DNAH1: variants seen among roughly 807,000 people sequenced by gnomAD.
The protein encoded by DNAH1 is dynein axonemal heavy chain 1.
DNAH1 carries 327 observed loss-of-function variants against 484.3 expected under a neutral mutation model. That is an observed-to-expected ratio of 0.68 (90% CI 0.62 to 0.74). The LOEUF (loss-of-function observed/expected upper bound fraction) is 0.74. Among genes scored for constraint, DNAH1 ranks in the 30% least tolerant of loss-of-function variants. DNAH1 has a pLI of 0.00. For synonymous variants in DNAH1, 2,192 were observed against 2,191.9 expected (o/e 1.00, Z 0.00); for missense variants, 5,052 against 5,546.8 (o/e 0.91, Z 2.83).
intron 22 of DNAH1, 116 bp from the exon 23 acceptor site, chr3:52,357,498 T>A: frequency 5.1e-6 from 7 of 1,370,122 alleles, no homozygotes; most frequent in Non-Finnish European, 5.9e-6. Flanking sequence ...TTTCTGCATC[T>A]TCTTTCCCAG....
Position 52,383,426 on chromosome 3 carries a change from T to G in DNAH1, c.7982T>G (p.Leu2661Arg), listed in dbSNP as rs774338594. ...TTCCTGGAAGATATCAACAACGTCC[T>G]AAACTCTGGTGACATTCCCAATCTG... is the stretch of plus-strand genomic sequence containing the variant. ...ESFLEDINNV[L>R]NSGDIPNLYT... The change falls in exon 51 of 78, where the codon CTA becomes CGA. Residue 2661 changes from leucine to arginine, a missense_variant. Leu to Arg is a moderately radical substitution (Grantham distance 102). Transcript: ENST00000420323. The G allele has an allele frequency of 6.2e-7, 1 of 1,614,008 alleles. No homozygotes were observed. The highest frequency in any genetic ancestry group is 1.1e-5 in the South Asian group (1 of 91,076).
rs555886966 is a variant in DNAH1, at chr3:52,364,007, T to A, written c.5245-631T>A. Among the ~76,000 whole-genome samples, 33 of 152,302 alleles carry A rather than the reference T, an allele frequency of 2.2e-4. No individual in the cohort carries two copies. The South Asian group carries it at 6.8e-3, about 32-fold the overall frequency. On this transcript the variant is annotated intron_variant, in intron 32 of 77. Coordinates refer to ENST00000420323, the MANE Select transcript of DNAH1 (RefSeq NM_015512.5). This position sits in a 1 kb window ranked among gnomAD's most constrained non-coding sequence, Gnocchi z 4.2. ...ATCCCACATGGTTTTGGAAATGCAC[T>A]CAACTCTTCCCAAATAGAAATGACC...
Position 52,322,522 on chromosome 3 carries a change from A to C in DNAH1, c.80A>C (p.Gln27Pro). 6.2e-7 allele frequency: 1 copy of C among 1,613,798 alleles called. No homozygotes were observed. The highest frequency in any genetic ancestry group is 1.3e-5 in the African/African-American group (1 of 75,026). ...GAGTGCAGCAGTGCTCCTGCAGTCC[A>C]AGTGGGGACCCACAGGGGCCTAGAG... The part of the protein sequence containing the change: ...GPECSSAPAV[Q>P]VGTHRGLEYN... The change falls in exon 2 of 78, where the codon CAA (glutamine) becomes CCA (proline). Residue 27 changes from glutamine to proline, a missense_variant. Transcript: ENST00000420323.
At position 52,352,554 on chromosome 3, in the gene DNAH1, G is replaced by A. The variant is rs781441535; in HGVS notation, c.2874G>A (p.Leu958=). The change falls in exon 18 of 78, where the codon CTG becomes CTA. Residue 958 remains leucine, a splice_region_variant and synonymous_variant. Transcript: ENST00000420323. ...ACCCATTGCTCCTTGGCCTGCAGCT[G>A]GTAGTAGCTGGCTTCTCCATCCATG... ...NFQEKLEGLQ[L]VVAGFSIHVE... 1.2e-6 allele frequency: 2 copies of A among 1,607,980 alleles called. No individual in the cohort carries two copies. Among genetic ancestry groups the A allele is most frequent in the African/African-American group, 2.7e-5 (2 of 74,646 alleles).
chr3:52,373,992 TAG>T (rs1703471769), intron 44 of DNAH1: 4 of 1,123,914 alleles, frequency 3.6e-6, no homozygotes, highest in Non-Finnish European at 5.4e-6. Flanking sequence ...TTAAGATTTT[TAG>T]AGTCTGCAGA....
rs375829118 is a variant in DNAH1, at chr3:52,370,630, G to A, written c.6412G>A (p.Glu2138Lys). Residue 2138 changes from glutamate to lysine, a missense_variant, in exon 40 of 78, where the codon GAA (glutamate) becomes AAA (lysine). Glu to Lys is a moderately conservative substitution (Grantham distance 56). This residue lies in a region of DNAH1 where 2,929 missense variants were observed against 3,409.4 expected (regional missense o/e 0.86). Transcript: ENST00000420323. Reference sequence around the variant, plus strand: ...CTGGCTAAGGCTCAAGATGGAGAACGAACAGGTGAGAGCCGGCGGCCCCCA... The same window carrying A: ...CTGGCTAAGGCTCAAGATGGAGAACAAACAGGTGAGAGCCGGCGGCCCCCA... The part of the protein sequence containing the change: ...SHWLRLKMEN[E>K]QLTLLFPEEG... The A allele has an allele frequency of 5.4e-5, 87 of 1,610,120 alleles. 1 individual carries two copies. In the Middle Eastern group the frequency reaches 2.5e-3, roughly 46 times the overall value.
At chr3:52,382,491 G>C (rs373646624) in intron 50 of DNAH1, 36 bp downstream of exon 50, 5 of 1,610,192 alleles carry the variant, frequency 3.1e-6, no homozygotes, top group Non-Finnish European at 4.2e-6. Context: ...GGCTCGGGGG[G>C]GCTGGACACA....
At chr3:52,377,879 C>T (rs1282033355) in intron 46 of DNAH1, among the ~76,000 whole-genome samples, 7 of 152,124 alleles carry the variant, frequency 4.6e-5, no homozygotes, top group Non-Finnish European at 8.8e-5. Flanking sequence ...TATTTGCTGT[C>T]TTTGTTACTT....
intron 45 of DNAH1, 96 bp from the exon 46 acceptor site, chr3:52,375,859 C>T: frequency 2.1e-6 from 3 of 1,427,622 alleles, no homozygotes; most frequent in Non-Finnish European, 2.9e-6. Context: ...AAAGCTTACC[C>T]CAAGATGCTG....
chr3:52,320,077 C>T (rs1701089948), intron 1 of DNAH1, among the ~76,000 whole-genome samples: 1 of 152,222 alleles, frequency 6.6e-6, no homozygotes, highest in Non-Finnish European at 1.5e-5. Flanking sequence ...TGTTCAGGCC[C>T]ATCTGGGAGC....
At chr3:52,339,519 A>T (rs1000223388) in intron 8 of DNAH1, among the ~76,000 whole-genome samples, 1 of 152,140 alleles carries the variant, frequency 6.6e-6, no homozygotes, top group African/African-American at 2.4e-5. Flanking sequence ...AAGGCTATTT[A>T]GCTGAAGTAT....
rs1704731585 is a variant in DNAH1, at chr3:52,398,308, A to G, written c.12089+146A>G. 1.5e-5 allele frequency: 17 copies of G among 1,111,118 alleles called. No individual in the cohort carries two copies. In the South Asian group the frequency reaches 2.5e-4, roughly 17 times the overall value. 68.8% of individuals were successfully genotyped at this position (1,111,118 alleles called of 1,614,324 possible). On this transcript the variant is annotated intron_variant, in intron 75 of 77. Coordinates refer to ENST00000420323, the MANE Select transcript of DNAH1 (RefSeq NM_015512.5). ...TTTTTTGTTGTTGTTGTTGACACGG[A>G]GTCTCTCTCTGTTGCCATGCTGGAG...
At position 52,393,501 on chromosome 3, in the gene DNAH1, C is replaced by T. The variant is rs1163670024; in HGVS notation, c.10626+16C>T. The T allele has an allele frequency of 8.7e-6, 14 of 1,613,326 alleles. No individual in the cohort carries two copies. The highest frequency in any genetic ancestry group is 1.3e-5 in the African/African-American group (1 of 74,916). ...AATCAACCAGGTGCTGGCAGAGACA[C>T]CCAGGACAGACTGCCTGAGGGGTGG... On this transcript the variant is annotated intron_variant, in intron 66 of 77. Transcript: ENST00000420323.
intron 7 of DNAH1, among the ~76,000 whole-genome samples, chr3:52,331,619 CT>C (rs36097098): frequency 0.012 from 1,368 of 111,258 alleles, 1 homozygote; most frequent in Non-Finnish European, 0.019. Context: ...AAATACTTTT[CT>C]TTTTTTTTTT....
In DNAH1 at chr3:52,393,355, C is replaced by T; in HGVS notation, c.10496C>T (p.Ser3499Phe). Residue 3499 changes from serine (S) to phenylalanine (F), a missense_variant, in exon 66 of 78, where the codon TCC (serine) becomes TTC (phenylalanine). Transcript: ENST00000420323. ...ACAGACAACCTGAAGAAGCGCATCT[C>T]CAACATCAACCGCTACCTGACCTAC... is the stretch of plus-strand genomic sequence containing the variant. The part of the protein sequence containing the change: ...ERADNLKKRI[S>F]NINRYLTYSL... 6.2e-7 allele frequency: 1 copy of T among 1,614,016 alleles called. No individual in the cohort carries two copies. Among genetic ancestry groups the T allele is most frequent in the Non-Finnish European group, 8.5e-7 (1 of 1,179,894 alleles).
chr3:52,365,411 G>A (rs148602634), intron 34 of DNAH1, among the ~76,000 whole-genome samples: 6 of 152,284 alleles, frequency 3.9e-5, no homozygotes, highest in African/African-American at 1.4e-4. Flanking sequence ...AGGCCTCTTG[G>A]CTCCACCCCA....
intron 56 of DNAH1, among the ~76,000 whole-genome samples, chr3:52,387,545 G>T (rs545110612): frequency 1.3e-5 from 2 of 152,222 alleles, no homozygotes; most frequent in African/African-American, 4.8e-5. Context: ...CCCCTTATGG[G>T]CTACCCCATT....
chr3:52,365,114 G>C, intron 34 of DNAH1, 95 bp downstream of exon 34: 1 of 1,472,480 alleles, frequency 6.8e-7, no homozygotes, highest in Non-Finnish European at 9.0e-7. Context: ...CCAACCCCAG[G>C]GGCCCTCACA....
intron 17 of DNAH1, 129 bp downstream of exon 17, chr3:52,352,232 A>G (rs1161880636): frequency 3.1e-6 from 4 of 1,288,018 alleles, no homozygotes; most frequent in South Asian, 2.9e-5. Context: ...GGGCAGATGG[A>G]TGAATGAATA....
Sources: allele counts gnomAD v4.1 joint callset (sites outside exome capture counted in the v4.1 genomes callset), GRCh38; gene constraint gnomAD v4.1.1; regional missense constraint gnomAD v4.1.1; non-coding constraint Gnocchi (gnomAD v3.1); transcripts MANE v1.5; gene names NCBI Gene and HGNC (gene_info 2026-07-23, HGNC 2026-07-21).